CDH12: variants seen among roughly 807,000 people sequenced by gnomAD.
CDH12 encodes the protein cadherin 12, also known as cadherin-12.
A neutral mutation model predicts 74.1 loss-of-function variants in CDH12; 41 were observed. The ratio of observed to expected loss-of-function variants is 0.55; its 90% confidence interval spans 0.43 to 0.72. The LOEUF (loss-of-function observed/expected upper bound fraction) is 0.72, where lower values mean the gene tolerates loss of function less well. CDH12 is among the 30% of genes least tolerant of loss of function. The probability of loss-of-function intolerance (pLI) is 0.00; values close to 1 mark genes in which losing one functional copy is unlikely to be tolerated. For missense variants in CDH12, 945 were observed against 977.2 expected, an observed-to-expected ratio of 0.97 and a Z score of 0.44; for synonymous variants, 399 against 355.0, an observed-to-expected ratio of 1.12 and a Z score of -1.39.
At chr5:22,074,861 G>A (rs1742197314) in intron 5 of CDH12, among the ~76,000 whole-genome samples, 1 of 152,032 alleles carries the variant, frequency 6.6e-6, no homozygotes, top group Non-Finnish European at 1.5e-5. Context: ...CACTGTTGGT[G>A]GGACTGTAAA....
At chr5:21,799,937 CA>C (rs1747017331) in intron 10 of CDH12, among the ~76,000 whole-genome samples, 1 of 152,020 alleles carries the variant, frequency 6.6e-6, no homozygotes, top group Non-Finnish European at 1.5e-5. Flanking sequence ...CTAGTGAGTC[CA>C]AAAGTGGGAC....
chr5:22,038,649 G>C (rs1473021010), intron 5 of CDH12, among the ~76,000 whole-genome samples: 1 of 152,196 alleles, frequency 6.6e-6, no homozygotes, highest in African/African-American at 2.4e-5. Flanking sequence ...TCGTGCCTAA[G>C]TTGAAGCAAT....
chr5:22,334,130 C>A (rs953709464), intron 3 of CDH12, among the ~76,000 whole-genome samples: 1 of 151,778 alleles, frequency 6.6e-6, no homozygotes, highest in East Asian at 1.9e-4. Flanking sequence ...TTAGCTGGAG[C>A]AATCAGACAA....
chr5:22,561,776 G>C (rs1208116978), intron 1 of CDH12, among the ~76,000 whole-genome samples: 1 of 152,128 alleles, frequency 6.6e-6, no homozygotes, highest in Non-Finnish European at 1.5e-5. Flanking sequence ...TTTCAAGTTA[G>C]CAGTCTGTCA....
At chr5:22,229,640 G>A (rs530622739) in intron 3 of CDH12, among the ~76,000 whole-genome samples, 17 of 152,058 alleles carry the variant, frequency 1.1e-4, no homozygotes, top group Non-Finnish European at 2.1e-4. Context: ...GTAAACTTTC[G>A]AGTACTTTTC....
At chr5:21,787,753 G>A (rs1017405449) in intron 10 of CDH12, among the ~76,000 whole-genome samples, 1 of 152,128 alleles carries the variant, frequency 6.6e-6, no homozygotes, top group African/African-American at 2.4e-5. Context: ...TCCAATTTCA[G>A]TGTGGTACCT....
At chr5:22,784,259 C>T (rs1219943560) in intron 1 of CDH12, among the ~76,000 whole-genome samples, 2 of 152,006 alleles carry the variant, frequency 1.3e-5, no homozygotes, top group Admixed American at 6.6e-5. Flanking sequence ...AGCAGATTTA[C>T]AGCTATGATT....
At chr5:22,453,356 G>T (rs1745129771) in intron 2 of CDH12, among the ~76,000 whole-genome samples, 1 of 152,070 alleles carries the variant, frequency 6.6e-6, no homozygotes. Flanking sequence ...GTGGATAAAG[G>T]TATGAAAACA....
intron 1 of CDH12, among the ~76,000 whole-genome samples, chr5:22,656,194 A>T (rs964994493): frequency 2.6e-5 from 4 of 152,196 alleles, no homozygotes; most frequent in Non-Finnish European, 4.4e-5. Flanking sequence ...TTGTTACATT[A>T]TAATAATCAA....
At chr5:22,575,351 G>T (rs2126772707) in intron 1 of CDH12, among the ~76,000 whole-genome samples, 1 of 151,880 alleles carries the variant, frequency 6.6e-6, no homozygotes. Context: ...GTGTACTCTG[G>T]GCTGAGGATA....
rs146337238 is a variant in CDH12 at position 22,604,632 on chromosome 5, A to G, written c.-522-99268T>C. ...TCAGTGAAAATATTGCATCTAAAAA[A>G]ACCTTCATTAAAGATAAAAGCACCA... On this transcript the variant is annotated intron_variant, in intron 1 of 14. Coordinates refer to ENST00000382254, the MANE Select transcript of CDH12 (RefSeq NM_004061.5). Among the ~76,000 whole-genome samples, 550 of 152,326 alleles carry G rather than the reference A, an allele frequency of 3.6e-3. 1 individual carries two copies. Among genetic ancestry groups the G allele is most frequent in the African/African-American group, 0.01 (423 of 41,566 alleles).
chr5:22,816,494 G>A (rs570871332), intron 1 of CDH12, among the ~76,000 whole-genome samples: 3 of 152,250 alleles, frequency 2.0e-5, no homozygotes, highest in Admixed American at 2.0e-4. Flanking sequence ...TCCCAGTAAA[G>A]ATCAATTTTT....
At chr5:22,719,072 C>G (rs1311680796) in intron 1 of CDH12, among the ~76,000 whole-genome samples, 1 of 152,118 alleles carries the variant, frequency 6.6e-6, no homozygotes, top group African/African-American at 2.4e-5. Flanking sequence ...GCCAGCTAGT[C>G]TGAGGTAGAA....
chr5:22,074,383 A>C (rs994432017), intron 5 of CDH12, among the ~76,000 whole-genome samples: 8 of 151,974 alleles, frequency 5.3e-5, no homozygotes, highest in Non-Finnish European at 1.0e-4. Flanking sequence ...TAGGTAATAC[A>C]ATTCAGGACA....
chr5:22,408,334 C>T (rs934308145), intron 2 of CDH12, among the ~76,000 whole-genome samples: 3 of 151,846 alleles, frequency 2.0e-5, no homozygotes, highest in Non-Finnish European at 2.9e-5. Flanking sequence ...GATAACCTGA[C>T]ACAAAAGGAT....
chr5:21,983,396 T>C (rs1047102337), intron 5 of CDH12, among the ~76,000 whole-genome samples: 2 of 152,160 alleles, frequency 1.3e-5, no homozygotes, highest in African/African-American at 2.4e-5. Context: ...GCCTCTTTTT[T>C]CCCTTTTTAT....
chr5:22,638,816 C>T (rs62351364), intron 1 of CDH12: 2,640 of 151,584 alleles, frequency 0.017, 33 homozygotes, highest in Non-Finnish European at 0.028. Flanking sequence ...TTCGGGAGGC[C>T]GAGGTAGGCA....
chr5:22,103,557 A>G (rs1744267813), intron 4 of CDH12, among the ~76,000 whole-genome samples: 1 of 152,182 alleles, frequency 6.6e-6, no homozygotes. Context: ...CTCCACTGCA[A>G]GCAGAATCCT....
chr5:21,908,586 C>G (rs541101379), intron 6 of CDH12, among the ~76,000 whole-genome samples: 2 of 152,180 alleles, frequency 1.3e-5, no homozygotes, highest in African/African-American at 4.8e-5. Context: ...ACACATATTT[C>G]AAGCCTGTTT....
Sources: gnomAD v4.1 joint callset for allele counts (sites outside exome capture counted in the v4.1 genomes callset) on GRCh38, gnomAD v4.1.1 for gene constraint, MANE v1.5 for transcripts, NCBI Gene and HGNC (gene_info 2026-07-23, HGNC 2026-07-21) for gene names.